KCNJ1: variants seen among roughly 807,000 people sequenced by gnomAD.
The protein encoded by KCNJ1 is potassium inwardly rectifying channel subfamily J member 1, also known as ATP-sensitive inward rectifier potassium channel 1.
KCNJ1 carries 24 observed loss-of-function variants against 21.9 expected under a neutral mutation model. The observed-to-expected ratio is 1.10, with a 90% confidence interval of 0.79 to 1.54. KCNJ1 has a LOEUF of 1.54. KCNJ1 is among the 40% of genes most tolerant of loss of function. The pLI, the probability that KCNJ1 is intolerant of heterozygous loss-of-function variation, is 0.00. For missense variants in KCNJ1, 457 were observed against 455.4 expected, an observed-to-expected ratio of 1.00 and a Z score of -0.03; for synonymous variants, 152 against 160.9, an observed-to-expected ratio of 0.94 and a Z score of 0.42.
chr11:128,859,176 G>A (rs1488032825), intron 1 of KCNJ1, among the ~76,000 whole-genome samples: 3 of 152,248 alleles, frequency 2.0e-5, no homozygotes, highest in African/African-American at 4.8e-5. Flanking sequence ...CATGAAGTAG[G>A]TCTAATTTTC....
chr11:128,838,933 G>T lies in KCNJ1; in HGVS notation c.*192C>A, dbSNP rs1943214980. 6.5e-6 allele frequency: 4 copies of T among 611,420 alleles called. No individual in the cohort carries two copies. The East Asian group carries it at 1.1e-4, about 17-fold the overall frequency. The allele number at this position is 611,420 out of a possible 1,614,324, so 37.9% of individuals were successfully genotyped here. On this transcript the variant is annotated 3_prime_UTR_variant, in exon 3 of 3. Transcript: ENST00000392666. The stretch of plus-strand genomic sequence containing the variant: ...CCAGTTTCATATAAATGCATTGCAC[G>T]TTCTAATACAGTAGCCTTGTGGAGA...
intron 1 of KCNJ1, among the ~76,000 whole-genome samples, chr11:128,859,967 A>C (rs2135959396): frequency 6.6e-6 from 1 of 152,312 alleles, no homozygotes; most frequent in Admixed American, 6.5e-5. Context: ...GCGGGAGAGG[A>C]GGCGCGGCAA....
At chr11:128,865,049 C>A (rs1039812214) in intron 1 of KCNJ1, among the ~76,000 whole-genome samples, 13 of 152,108 alleles carry the variant, frequency 8.5e-5, no homozygotes, top group African/African-American at 3.1e-4. Flanking sequence ...GCCACCCACC[C>A]TCAGCCACAC....
At chr11:128,842,423 GA>G (rs752880528) in intron 2 of KCNJ1, 2 of 1,613,764 alleles carry the variant, frequency 1.2e-6, no homozygotes, top group Admixed American at 1.7e-5. Flanking sequence ...TTCATGGCTG[GA>G]AAAAGCAAGG....
intron 1 of KCNJ1, among the ~76,000 whole-genome samples, chr11:128,851,593 G>A (rs1843467363): frequency 6.6e-6 from 1 of 152,194 alleles, no homozygotes; most frequent in African/African-American, 2.4e-5. Context: ...TATGTGTGCA[G>A]AGATCTGTTA....
chr11:128,839,196 TC>T lies in KCNJ1; in HGVS notation c.1047del (p.Met350Ter). The T allele has an allele frequency of 6.2e-7, 1 of 1,614,198 alleles. No homozygotes were observed. Among genetic ancestry groups the T allele is most frequent in the Non-Finnish European group, 8.5e-7 (1 of 1,180,024 alleles). On this transcript the variant is annotated frameshift_variant, in exon 3 of 3. Transcript: ENST00000392666. LOFTEE classifies it high-confidence loss of function. ...TTGGGGTTGTCATAGCCTCTCTTCA[TC>T]CTGGCTCTAACATCTTTCTCATTAT... ...CLYNEKDVRA[R>X]MKRGYDNPNF...
chr11:128,847,047 G>T (rs1565525501), intron 2 of KCNJ1, among the ~76,000 whole-genome samples: 1 of 152,110 alleles, frequency 6.6e-6, no homozygotes, highest in Non-Finnish European at 1.5e-5. Flanking sequence ...CCCCAGAACA[G>T]CTTTAGTCTC....
chr11:128,840,245 C>T lies in KCNJ1; in HGVS notation c.-2G>A, dbSNP rs372166912. 10 of 1,614,012 alleles carry T rather than the reference C, an allele frequency of 6.2e-6. No homozygotes were observed. Among genetic ancestry groups the T allele is most frequent in the South Asian group, 5.5e-5 (5 of 91,070 alleles). On this transcript the variant is annotated 5_prime_UTR_variant, in exon 3 of 3. Coordinates refer to ENST00000392666, the MANE Select transcript of KCNJ1 (RefSeq NM_153766.3). ...CCATTTCCGAAGATGTTTGAACATA[C>T]TTTCTGTCAACACCCTGATCTGAAA...
chr11:128,866,173 C>A (rs959182918), intron 1 of KCNJ1, among the ~76,000 whole-genome samples: 3 of 152,192 alleles, frequency 2.0e-5, no homozygotes, highest in African/African-American at 7.2e-5. Flanking sequence ...AGGGAGCCCA[C>A]AAAGACTGGG....
intron 1 of KCNJ1, among the ~76,000 whole-genome samples, chr11:128,860,402 T>G (rs1943683430): frequency 6.6e-6 from 1 of 152,228 alleles, no homozygotes; most frequent in South Asian, 2.1e-4. Flanking sequence ...TGCGTGACAC[T>G]GCACAGGTTT....
chr11:128,848,326 G>T (rs944324273), intron 2 of KCNJ1, among the ~76,000 whole-genome samples: 1 of 150,532 alleles, frequency 6.6e-6, no homozygotes, highest in African/African-American at 2.4e-5. Flanking sequence ...TGAGACCACG[G>T]GTGTGCACCA....
At chr11:128,854,889 T>C (rs933940018) in intron 1 of KCNJ1, among the ~76,000 whole-genome samples, 5 of 152,256 alleles carry the variant, frequency 3.3e-5, no homozygotes, top group African/African-American at 1.2e-4. Context: ...GCCCCTGGTG[T>C]GCTATGAGTA....
chr11:128,849,459 G>A (rs1170001502), intron 2 of KCNJ1, among the ~76,000 whole-genome samples: 1 of 152,192 alleles, frequency 6.6e-6, no homozygotes, highest in Non-Finnish European at 1.5e-5. Flanking sequence ...AGGATCAGGA[G>A]GGGACAGTTT....
intron 1 of KCNJ1, among the ~76,000 whole-genome samples, chr11:128,856,999 T>C (rs1943602549): frequency 6.6e-6 from 1 of 152,122 alleles, no homozygotes; most frequent in South Asian, 2.1e-4. Context: ...CCCCCTGTTC[T>C]GATGACCTCA....
rs754915645 is a variant in KCNJ1 at position 128,839,782 on chromosome 11, G to T, written c.462C>A (p.Phe154Leu). 9 of 1,614,080 alleles carry T rather than the reference G, an allele frequency of 5.6e-6. No individual in the cohort carries two copies. The highest frequency in any genetic ancestry group is 7.6e-6 in the Non-Finnish European group (9 of 1,180,034). Residue 154 changes from phenylalanine to leucine, a missense_variant, in exon 3 of 3, where the codon TTC becomes TTA. Coordinates refer to ENST00000392666, the MANE Select transcript of KCNJ1 (RefSeq NM_153766.3). ...TCTTGGCTAAGATGGCCCCACACAT[G>T]AAAGAATTGATTATAACTCCAAGTA... ...QSILGVIINS[F>L]MCGAILAKIS...
intron 1 of KCNJ1, among the ~76,000 whole-genome samples, chr11:128,859,578 C>T (rs1205215994): frequency 1.3e-5 from 2 of 152,326 alleles, no homozygotes; most frequent in African/African-American, 2.4e-5. Context: ...GATGTCTCCA[C>T]GCCAAGTTCC....
intron 2 of KCNJ1, chr11:128,842,442 G>T: frequency 6.2e-7 from 1 of 1,613,752 alleles, no homozygotes; most frequent in South Asian, 1.1e-5. Context: ...AGGAAGTGGT[G>T]CTGGTTGTTG....
intron 2 of KCNJ1, among the ~76,000 whole-genome samples, chr11:128,844,690 A>G (rs1007355240): frequency 2.0e-5 from 3 of 152,200 alleles, no homozygotes; most frequent in South Asian, 2.1e-4. Flanking sequence ...CTTGAGAACA[A>G]TTCATTCAGA....
intron 1 of KCNJ1, among the ~76,000 whole-genome samples, chr11:128,860,011 A>G (rs1029352621): frequency 3.3e-5 from 5 of 150,224 alleles, no homozygotes; most frequent in African/African-American, 1.2e-4. Context: ...CCTCCCGCTT[A>G]CCAGCAGCAG....
Sources: allele counts gnomAD v4.1 joint callset (sites outside exome capture counted in the v4.1 genomes callset), GRCh38; gene constraint gnomAD v4.1.1; transcripts MANE v1.5; gene names NCBI Gene and HGNC (gene_info 2026-07-23, HGNC 2026-07-21).